Variants in SLC9A7 observed in about 807,000 individuals in gnomAD.
The protein encoded by SLC9A7 is sodium/hydrogen exchanger 7.
In SLC9A7, 19 loss-of-function variants were observed where a neutral mutation model predicts 52.6. That is an observed-to-expected ratio of 0.36 (90% CI 0.25 to 0.53). The LOEUF (loss-of-function observed/expected upper bound fraction) is 0.53, where lower values mean the gene tolerates loss of function less well. Among genes scored for constraint, SLC9A7 ranks in the 20% least tolerant of loss-of-function variants. The pLI, the probability that SLC9A7 is intolerant of heterozygous loss-of-function variation, is 0.91. For missense variants in SLC9A7, 455 were observed against 597.9 expected (o/e 0.76, Z 2.49); for synonymous variants, 226 against 252.1 (o/e 0.90, Z 0.98).
intron 1 of SLC9A7, among the ~76,000 whole-genome samples, chrX:46,730,672 AT>A (rs1227638259): frequency 3.1e-4 from 5 of 16,393 alleles, no homozygotes; most frequent in African/African-American, 1.9e-3. Flanking sequence ...AAAAAAAATT[AT>A]ATATATATAT....
intron 1 of SLC9A7, among the ~76,000 whole-genome samples, chrX:46,708,688 C>T (rs181801666): frequency 0.011 from 1,200 of 112,099 alleles, 58 homozygotes; most frequent in Admixed American, 0.1. Context: ...CTCTAAGTCA[C>T]TCAGCCCCAA....
intron 1 of SLC9A7, among the ~76,000 whole-genome samples, chrX:46,717,750 A>T (rs1386716487): frequency 2.7e-5 from 3 of 111,341 alleles, no homozygotes. Flanking sequence ...GCTGTGAAAG[A>T]CCTCTTAAAG....
intron 14 of SLC9A7, among the ~76,000 whole-genome samples, chrX:46,628,209 T>C (rs1412044048): frequency 8.9e-6 from 1 of 112,027 alleles, no homozygotes; most frequent in Non-Finnish European, 1.9e-5. Context: ...AGGAAGTGAA[T>C]GATGTGTCTG....
At chrX:46,720,670 C>T (rs746731192) in intron 1 of SLC9A7, among the ~76,000 whole-genome samples, 2 of 111,427 alleles carry the variant, frequency 1.8e-5, no homozygotes, top group African/African-American at 6.5e-5. Flanking sequence ...TCTGCCCCTA[C>T]ACATAAACAC....
chrX:46,655,421 G>A (rs192785913), intron 7 of SLC9A7, among the ~76,000 whole-genome samples: 27 of 112,346 alleles, frequency 2.4e-4, no homozygotes, highest in East Asian at 5.6e-4. Context: ...CGTGAGCAAC[G>A]CAGAAGACGG....
At chrX:46,749,071 A>T (rs1395276720) in intron 1 of SLC9A7, among the ~76,000 whole-genome samples, 1 of 112,088 alleles carries the variant, frequency 8.9e-6, no homozygotes, top group Non-Finnish European at 1.9e-5. Context: ...TCCTTCCTTA[A>T]ACAGTCTGCT....
At chrX:46,654,132 T>TTTGGGACTTTGG (rs2146787052) in intron 7 of SLC9A7, among the ~76,000 whole-genome samples, 1 of 111,682 alleles carries the variant, frequency 9.0e-6, no homozygotes, top group South Asian at 3.8e-4. Flanking sequence ...GACTCATGCC[T>TTTGGGACTTTGG]GTAATCCTAG....
intron 5 of SLC9A7, among the ~76,000 whole-genome samples, chrX:46,668,317 C>A (rs1309744359): frequency 3.0e-4 from 33 of 111,327 alleles, no homozygotes; most frequent in Non-Finnish European, 3.8e-5. Context: ...TGAGACCAGA[C>A]TGACCAACAT....
At chrX:46,677,912 T>G in intron 3 of SLC9A7, among the ~76,000 whole-genome samples, 1 of 112,107 alleles carries the variant, frequency 8.9e-6, no homozygotes, top group Non-Finnish European at 1.9e-5. Flanking sequence ...CCATCTCAGG[T>G]CAGTTTTGAT....
intron 1 of SLC9A7, among the ~76,000 whole-genome samples, chrX:46,733,205 T>A (rs181467144): frequency 1.9e-4 from 21 of 111,808 alleles, no homozygotes; most frequent in Non-Finnish European, 4.0e-4. Flanking sequence ...TCAACATTTT[T>A]AAAATATTGG....
chrX:46,698,655 G>GT (rs1232314094), intron 1 of SLC9A7, among the ~76,000 whole-genome samples: 1 of 112,153 alleles, frequency 8.9e-6, no homozygotes, highest in Non-Finnish European at 1.9e-5. Flanking sequence ...CTTTGGAATA[G>GT]TTTAGCTATT....
At chrX:46,613,240 C>G (rs781017428) in intron 16 of SLC9A7, 49 bp downstream of exon 16, 14 of 935,234 alleles carry the variant, frequency 1.5e-5, no homozygotes. Context: ...ACGTAAGACA[C>G]TACCCTGGCA....
chrX:46,664,725 A>G, intron 5 of SLC9A7, among the ~76,000 whole-genome samples: 1 of 110,942 alleles, frequency 9.0e-6, no homozygotes, highest in Admixed American at 9.6e-5. Flanking sequence ...GGTTTTGCCC[A>G]TTTTTTAAAA....
At chrX:46,723,298 C>CAAAAAAAAA in intron 1 of SLC9A7, among the ~76,000 whole-genome samples, 1 of 18,657 alleles carries the variant, frequency 5.4e-5, no homozygotes, top group Non-Finnish European at 1.1e-4. Flanking sequence ...AAGATTTCTA[C>CAAAAAAAAA]AAAAAAAAAA....
At position 46,682,544 on chromosome X, in the gene SLC9A7, G is replaced by A. The variant is rs746480600; in HGVS notation, c.326-9C>T. 7 of 1,200,842 alleles carry A rather than the reference G, an allele frequency of 5.8e-6. No homozygotes were observed. In the South Asian group the frequency reaches 1.3e-4, roughly 22 times the overall value. Reference sequence around the variant, plus strand: ...CACCCCAACGATGAGCCCTGAAAGAGTGGAAAAAAACTCATCAGGCCTGAG... The same window carrying A: ...CACCCCAACGATGAGCCCTGAAAGAATGGAAAAAAACTCATCAGGCCTGAG... On this transcript the variant is annotated splice_polypyrimidine_tract_variant and intron_variant, in intron 1 of 16. Transcript: ENST00000616978.
chrX:46,662,040 A>C lies in SLC9A7; in HGVS notation c.1017T>G (p.Ala339=), dbSNP rs1011224843. The change falls in exon 7 of 17, where the codon GCT becomes GCG. Residue 339 remains alanine (A), a synonymous_variant. Transcript: ENST00000616978. ...TTAGAGCAGTCACAACACCAGTCAC[A>C]GCTCCCATGGTAAAAGAGCCACTAA... ...GIFSGSFTMG[A]VTGVVTALVT... is the part of the protein sequence containing the mutation. 2 of 1,197,310 alleles carry C rather than the reference A, an allele frequency of 1.7e-6. No homozygotes were observed. Among genetic ancestry groups the C allele is most frequent in the African/African-American group, 3.5e-5 (2 of 56,543 alleles).
intron 1 of SLC9A7, among the ~76,000 whole-genome samples, chrX:46,717,476 T>C (rs1016314990): frequency 9.0e-6 from 1 of 110,619 alleles, no homozygotes; most frequent in African/African-American, 3.3e-5. Flanking sequence ...ACCTCTGGGG[T>C]TCAAGCGATT....
At chrX:46,694,355 G>C (rs1914461711) in intron 1 of SLC9A7, among the ~76,000 whole-genome samples, 1 of 110,379 alleles carries the variant, frequency 9.1e-6, no homozygotes, top group Admixed American at 9.7e-5. Context: ...ACACATATTT[G>C]ATAAAGAACT....
In SLC9A7 at chrX:46,653,874, T is replaced by C. The variant is rs1943625604; in HGVS notation, c.1042-160A>G. The C allele has an allele frequency of 1.0e-5, 4 of 401,891 alleles. No individual in the cohort carries two copies. In the East Asian group the frequency reaches 1.6e-4, roughly 16 times the overall value. The allele number at this position is 401,891 out of a possible 1,213,427, so 33.1% of individuals were successfully genotyped here. On this transcript the variant is annotated intron_variant, in intron 7 of 16. Coordinates refer to ENST00000616978, the MANE Select transcript of SLC9A7 (RefSeq NM_001257291.2). The stretch of plus-strand genomic sequence containing the variant: ...AAGCTGCTGGAGATTTCTTAAGTAA[T>C]ACAAATTAAGCTTTCCAGTGGAACA...
Sources: allele counts gnomAD v4.1 joint callset (sites outside exome capture counted in the v4.1 genomes callset), GRCh38; gene constraint gnomAD v4.1.1; transcripts MANE v1.5; gene names NCBI Gene and HGNC (gene_info 2026-07-23, HGNC 2026-07-21).